The following REDIC1 variants were observed in gnomAD, a reference collection of about 807,000 sequenced individuals.
REDIC1 encodes regulator of DNA class I crossover intermediates 1.
At chr12:39,729,805 T>C in the REDIC1 span, among the ~76,000 whole-genome samples, 1 of 152,336 alleles carries the variant, frequency 6.6e-6, no homozygotes, top group East Asian at 1.9e-4. Flanking sequence ...AGTCTCTTTG[T>C]AGATCTCTAA....
the REDIC1 span, among the ~76,000 whole-genome samples, chr12:39,706,084 A>G: frequency 6.6e-6 from 1 of 152,086 alleles, no homozygotes; most frequent in Non-Finnish European, 1.5e-5. Flanking sequence ...AGATGCCATA[A>G]AAAACCTATT....
chr12:39,809,874 A>G, the REDIC1 span, among the ~76,000 whole-genome samples: 1 of 152,210 alleles, frequency 6.6e-6, no homozygotes, highest in Non-Finnish European at 1.5e-5. Flanking sequence ...TCCATGGTGT[A>G]TATATGCCAC....
the REDIC1 span, among the ~76,000 whole-genome samples, chr12:39,770,001 C>T: frequency 3.9e-4 from 60 of 152,170 alleles, no homozygotes; most frequent in African/African-American, 1.3e-3. Context: ...TGGTGCTTGA[C>T]ATTGCTGACA....
At chr12:39,797,701 A>G in the REDIC1 span, among the ~76,000 whole-genome samples, 1 of 151,280 alleles carries the variant, frequency 6.6e-6, no homozygotes, top group African/African-American at 2.4e-5. Context: ...AAGCTAATGG[A>G]TACATGTTAT....
the REDIC1 span, chr12:39,682,875 A>G: frequency 6.2e-7 from 1 of 1,612,842 alleles, no homozygotes; most frequent in Non-Finnish European, 8.5e-7. Context: ...GGATAAAGAA[A>G]ACATTTAACA....
chr12:39,713,332 A>G, the REDIC1 span, among the ~76,000 whole-genome samples: 1 of 143,888 alleles, frequency 6.9e-6, no homozygotes, highest in African/African-American at 2.7e-5. Context: ...GTATACACAT[A>G]TACGTGTATA....
the REDIC1 span, chr12:39,864,885 TA>T: frequency 0.018 from 19,973 of 1,116,462 alleles, 2 homozygotes; most frequent in South Asian, 0.037. Flanking sequence ...GGTGGTACCT[TA>T]AAAAAAAAAA....
the REDIC1 span, among the ~76,000 whole-genome samples, chr12:39,730,086 C>T: frequency 1.3e-5 from 2 of 152,152 alleles, no homozygotes; most frequent in African/African-American, 2.4e-5. Flanking sequence ...GAATACAGCA[C>T]ACCTATGGGT....
At chr12:39,626,445 AG>A in the REDIC1 span, 91 of 1,553,044 alleles carry the variant, frequency 5.9e-5, no homozygotes, top group Non-Finnish European at 7.7e-5. Flanking sequence ...TCACAGCCTT[AG>A]CTGGAAAGAA....
the REDIC1 span, among the ~76,000 whole-genome samples, chr12:39,658,200 C>A: frequency 6.6e-6 from 1 of 152,156 alleles, no homozygotes; most frequent in South Asian, 2.1e-4. Flanking sequence ...CCTGCCTCAG[C>A]CTCTTAAGTA....
At chr12:39,821,076 C>T in the REDIC1 span, among the ~76,000 whole-genome samples, 1 of 151,982 alleles carries the variant, frequency 6.6e-6, no homozygotes, top group Admixed American at 6.6e-5. Context: ...TTTCACTGCC[C>T]TGTACTATTA....
At chr12:39,650,324 G>A in the REDIC1 span, 294 of 1,610,616 alleles carry the variant, frequency 1.8e-4, no homozygotes, top group Middle Eastern at 6.6e-4. The surrounding 1 kb of genome is among the most constrained non-coding windows in gnomAD (Gnocchi z 4.3). Flanking sequence ...AAAACTACAC[G>A]ATTTGGGACA....
chr12:39,781,175 CTG>C, the REDIC1 span, among the ~76,000 whole-genome samples: 1 of 152,172 alleles, frequency 6.6e-6, no homozygotes, highest in Non-Finnish European at 1.5e-5. Flanking sequence ...AACTGTAAAA[CTG>C]AGAAAATCTA....
the REDIC1 span, among the ~76,000 whole-genome samples, chr12:39,714,084 C>CGTGTGTATATGT: frequency 3.5e-5 from 2 of 56,612 alleles, no homozygotes; most frequent in Non-Finnish European, 7.7e-5. Flanking sequence ...TGTATATACA[C>CGTGTGTATATGT]ATATATGTAC....
At chr12:39,660,913 T>A in the REDIC1 span, among the ~76,000 whole-genome samples, 1 of 152,160 alleles carries the variant, frequency 6.6e-6, no homozygotes, top group Admixed American at 6.6e-5. Context: ...AGTGAGTACA[T>A]GTGCTATTTG....
the REDIC1 span, among the ~76,000 whole-genome samples, chr12:39,654,626 T>A: frequency 6.6e-6 from 1 of 152,028 alleles, no homozygotes; most frequent in Non-Finnish European, 1.5e-5. Flanking sequence ...ATCCTCTCCA[T>A]AAGTTGTTGG....
the REDIC1 span, among the ~76,000 whole-genome samples, chr12:39,815,591 G>C: frequency 5.1e-4 from 77 of 152,262 alleles, no homozygotes; most frequent in East Asian, 9.7e-3. Flanking sequence ...GAAGTTTCTA[G>C]TTTGGGGGAC....
chr12:39,667,197 G>T, the REDIC1 span, among the ~76,000 whole-genome samples: 1 of 152,028 alleles, frequency 6.6e-6, no homozygotes, highest in African/African-American at 2.4e-5. Context: ...TTCTCTTGTG[G>T]GCATTTAGTG....
the REDIC1 span, among the ~76,000 whole-genome samples, chr12:39,750,565 A>G: frequency 6.6e-6 from 1 of 152,212 alleles, no homozygotes; most frequent in Non-Finnish European, 1.5e-5. Flanking sequence ...AAACTACTTT[A>G]AAGTTCATAT....
Sources: allele counts gnomAD v4.1 joint callset (sites outside exome capture counted in the v4.1 genomes callset), GRCh38; gene constraint gnomAD v4.1.1; non-coding constraint Gnocchi (gnomAD v3.1); transcripts MANE v1.5; gene names NCBI Gene and HGNC (gene_info 2026-07-23, HGNC 2026-07-21).